The following CNTNAP2 variants were observed in gnomAD, a reference collection of about 807,000 sequenced individuals.
The protein encoded by CNTNAP2 is contactin associated protein 2.
In CNTNAP2, 98 loss-of-function variants were observed where a neutral mutation model predicts 155.2. The observed-to-expected ratio is 0.63, with a 90% confidence interval of 0.54 to 0.75. The LOEUF (loss-of-function observed/expected upper bound fraction) is 0.75. Among genes scored for constraint, CNTNAP2 ranks in the 30% least tolerant of loss-of-function variants. The pLI, the probability that CNTNAP2 is intolerant of heterozygous loss-of-function variation, is 0.00. For missense variants in CNTNAP2, 1,727 were observed against 1,688.1 expected (o/e 1.02, Z -0.40); for synonymous variants, 651 against 631.2 (o/e 1.03, Z -0.47).
chr7:146,281,655 T>C (rs6945347), intron 1 of CNTNAP2, among the ~76,000 whole-genome samples: 8,918 of 151,882 alleles, frequency 0.059, 890 homozygotes, highest in African/African-American at 0.21. Context: ...ATTAGCCAGG[T>C]GTGGTGGCGC....
intron 9 of CNTNAP2, among the ~76,000 whole-genome samples, chr7:147,359,914 C>T (rs1282307785): frequency 6.6e-6 from 1 of 152,020 alleles, no homozygotes; most frequent in African/African-American, 2.4e-5. Context: ...TATTCATTTG[C>T]TTATTGTTTT....
intron 1 of CNTNAP2, among the ~76,000 whole-genome samples, chr7:146,759,807 C>A (rs1049099425): frequency 2.0e-5 from 3 of 151,814 alleles, no homozygotes; most frequent in Admixed American, 2.0e-4. Context: ...TCCAGGTTAC[C>A]CCTTATGGAA....
At chr7:146,887,369 G>T (rs1353874032) in intron 3 of CNTNAP2, among the ~76,000 whole-genome samples, 3 of 151,834 alleles carry the variant, frequency 2.0e-5, no homozygotes, top group Non-Finnish European at 2.9e-5. Context: ...ATAGAGACAG[G>T]TTTCTCCATG....
intron 1 of CNTNAP2, among the ~76,000 whole-genome samples, chr7:146,379,054 G>T (rs6969799): frequency 0.038 from 5,715 of 152,312 alleles, 336 homozygotes; most frequent in African/African-American, 0.13. Flanking sequence ...TCCTTTGCCT[G>T]CATCCCACAA....
At chr7:148,095,949 A>G (rs2116571686) in intron 15 of CNTNAP2, among the ~76,000 whole-genome samples, 1 of 152,376 alleles carries the variant, frequency 6.6e-6, no homozygotes, top group Admixed American at 6.5e-5. Context: ...TTTTCTTCAA[A>G]GAAAAAGATG....
Position 148,400,258 on chromosome 7 carries a change from G to A in CNTNAP2, c.3716-9133G>A, listed in dbSNP as rs552346332. On this transcript the variant is annotated intron_variant, in intron 22 of 23. Transcript: ENST00000361727. Reference sequence around the variant, plus strand: ...TGCATAGGAAGTGACAGCCCCTTCCGGGGCACCCTGCTGCCGCCACGCGCA... The same window carrying A: ...TGCATAGGAAGTGACAGCCCCTTCCAGGGCACCCTGCTGCCGCCACGCGCA... Among the ~76,000 whole-genome samples the A allele has an allele frequency of 7.9e-4, 120 of 152,252 alleles. 1 individual carries two copies. The highest frequency in any genetic ancestry group is 2.5e-3 in the African/African-American group (104 of 41,526).
intron 1 of CNTNAP2, among the ~76,000 whole-genome samples, chr7:146,134,208 G>A (rs776007369): frequency 2.7e-5 from 4 of 150,648 alleles, no homozygotes; most frequent in Non-Finnish European, 5.9e-5. Flanking sequence ...TGATTTGGCT[G>A]TTTGTCTGTT....
At chr7:146,962,517 A>G (rs541325000) in intron 3 of CNTNAP2, among the ~76,000 whole-genome samples, 1 of 152,312 alleles carries the variant, frequency 6.6e-6, no homozygotes, top group South Asian at 2.1e-4. Context: ...ACAAAAAACT[A>G]CAATGAAATT....
At chr7:147,046,800 A>T (rs555386053) in intron 4 of CNTNAP2, among the ~76,000 whole-genome samples, 9 of 151,850 alleles carry the variant, frequency 5.9e-5, no homozygotes, top group Non-Finnish European at 1.2e-4. Flanking sequence ...GAGGCCAAGG[A>T]GGGCGGATCA....
At chr7:147,147,837 G>A (rs377001447) in intron 8 of CNTNAP2, among the ~76,000 whole-genome samples, 1 of 152,178 alleles carries the variant, frequency 6.6e-6, no homozygotes, top group African/African-American at 2.4e-5. Flanking sequence ...AGTATCCTGT[G>A]AGAGTAATAA....
chr7:146,914,963 G>T (rs1291421507), intron 3 of CNTNAP2, among the ~76,000 whole-genome samples: 1 of 151,854 alleles, frequency 6.6e-6, no homozygotes, highest in Non-Finnish European at 1.5e-5. Context: ...CTTATATTTA[G>T]GTTTTTGATC....
chr7:146,523,981 C>T (rs1584962905), intron 1 of CNTNAP2, among the ~76,000 whole-genome samples: 1 of 151,986 alleles, frequency 6.6e-6, no homozygotes, highest in African/African-American at 2.4e-5. Context: ...CTGAAAAGTC[C>T]GAGCAAAACT....
chr7:147,113,458 G>T lies in CNTNAP2; in HGVS notation c.754+5108G>T, dbSNP rs551015591. 5.9e-5 allele frequency among the ~76,000 whole-genome samples: 9 copies of T among 151,886 alleles called. No homozygotes were observed. The South Asian group carries it at 1.7e-3, about 28-fold the overall frequency. On this transcript the variant is annotated intron_variant, in intron 5 of 23. Transcript: ENST00000361727. ...AGTGATTTATTAAAAAAAAAAAAGA[G>T]GTTTACTTGACTTACAGTTTCACAT...
intron 13 of CNTNAP2, among the ~76,000 whole-genome samples, chr7:147,853,353 C>G (rs969081894): frequency 1.3e-5 from 2 of 152,160 alleles, no homozygotes; most frequent in African/African-American, 2.4e-5. Context: ...TCTTAAACGG[C>G]CTGATTTAAA....
At chr7:146,931,533 A>T (rs1482445515) in intron 3 of CNTNAP2, among the ~76,000 whole-genome samples, 1 of 150,872 alleles carries the variant, frequency 6.6e-6, no homozygotes, top group Admixed American at 6.6e-5. Context: ...AGAACTAGAA[A>T]AGCAAGAGCA....
At chr7:147,701,075 A>AT (rs1365332804) in intron 13 of CNTNAP2, among the ~76,000 whole-genome samples, 2 of 152,106 alleles carry the variant, frequency 1.3e-5, no homozygotes, top group East Asian at 1.9e-4. Context: ...TTCTTCCTGG[A>AT]TTTTTTGTAG....
rs1795893337 is a variant in CNTNAP2 at position 146,413,335 on chromosome 7, A to G, written c.97+296362A>G. ...CTTCAGGTTGGACCTTCCACTTGCA[A>G]CTTGCTGTGGAGGTGCTCTTCTGCA... On this transcript the variant is annotated intron_variant, in intron 1 of 23. Coordinates refer to ENST00000361727, the MANE Select transcript of CNTNAP2 (RefSeq NM_014141.6). 3.9e-5 allele frequency among the ~76,000 whole-genome samples: 6 copies of G among 152,148 alleles called. 1 individual carries two copies. Among genetic ancestry groups the G allele is most frequent in the Admixed American group, 3.9e-4 (6 of 15,280 alleles).
intron 13 of CNTNAP2, among the ~76,000 whole-genome samples, chr7:147,658,244 G>C (rs1274929136): frequency 1.1e-5 from 1 of 91,810 alleles, no homozygotes; most frequent in African/African-American, 4.3e-5. Flanking sequence ...GAGACAGAGC[G>C]AGACTCCGTC....
rs187398296 is a variant in CNTNAP2, at chr7:148,363,545, C to T, written c.3476-20104C>T. On this transcript the variant is annotated intron_variant, in intron 21 of 23. Coordinates refer to ENST00000361727, the MANE Select transcript of CNTNAP2 (RefSeq NM_014141.6). Reference sequence around the variant, plus strand: ...TGGGTTTACTGGGATGTAGCCCCTTCATGCTGGAGGAACCTCTGTACGTGT... The same window carrying T: ...TGGGTTTACTGGGATGTAGCCCCTTTATGCTGGAGGAACCTCTGTACGTGT... 4.9e-4 allele frequency among the ~76,000 whole-genome samples: 75 copies of T among 152,348 alleles called. No individual in the cohort carries two copies. The East Asian group carries it at 0.013, about 26-fold the overall frequency.
Sources: gnomAD v4.1 joint callset for allele counts (sites outside exome capture counted in the v4.1 genomes callset) on GRCh38, gnomAD v4.1.1 for gene constraint, MANE v1.5 for transcripts, NCBI Gene and HGNC (gene_info 2026-07-23, HGNC 2026-07-21) for gene names.